The following SYT10 variants were observed in gnomAD, a reference collection of about 807,000 sequenced individuals.
The protein encoded by SYT10 is synaptotagmin 10.
SYT10 carries 31 observed loss-of-function variants against 51.1 expected under a neutral mutation model. The ratio of observed to expected loss-of-function variants is 0.61; its 90% CI spans 0.46 to 0.82. SYT10 has a LOEUF of 0.82. SYT10 is among the 40% of genes least tolerant of loss of function. The probability of loss-of-function intolerance (pLI) is 0.00; values close to 1 mark genes in which losing one functional copy is unlikely to be tolerated. For missense variants in SYT10, 603 were observed against 634.0 expected (o/e 0.95, Z 0.53); for synonymous variants, 233 against 225.9 (o/e 1.03, Z -0.28).
rs569463211 is a variant in SYT10, at chr12:33,439,624, C to G, written c.-102G>C. 4.9e-6 allele frequency: 7 copies of G among 1,415,166 alleles called. No homozygotes were observed. Among genetic ancestry groups the G allele is most frequent in the Admixed American group, 2.2e-5 (1 of 45,508 alleles). The allele number at this position is 1,415,166 out of a possible 1,614,324, so 87.7% of individuals were successfully genotyped here. On this transcript the variant is annotated 5_prime_UTR_variant, in exon 1 of 7. Transcript: ENST00000228567. Reference sequence around the variant, plus strand: ...GGCGCCCTAAGCCATAGTCCGCCCGCGGTGACTTTGGCTGGAGATTGCGCC... The same window carrying G: ...GGCGCCCTAAGCCATAGTCCGCCCGGGGTGACTTTGGCTGGAGATTGCGCC...
At chr12:33,398,500 G>A (rs1239059712) in intron 3 of SYT10, among the ~76,000 whole-genome samples, 2 of 152,040 alleles carry the variant, frequency 1.3e-5, no homozygotes, top group African/African-American at 2.4e-5. Context: ...GTGACAGACC[G>A]AAACTCTGTC....
At chr12:33,437,266 C>A (rs540880987) in intron 1 of SYT10, among the ~76,000 whole-genome samples, 1 of 152,168 alleles carries the variant, frequency 6.6e-6, no homozygotes, top group Admixed American at 6.5e-5. Context: ...AATCGAATAC[C>A]CCACTTGTAT....
At chr12:33,417,860 AT>A (rs1389700351) in intron 2 of SYT10, among the ~76,000 whole-genome samples, 1 of 152,362 alleles carries the variant, frequency 6.6e-6, no homozygotes, top group Admixed American at 6.5e-5. Flanking sequence ...AGGAAAAAAA[AT>A]AATATCAAAG....
intron 4 of SYT10, among the ~76,000 whole-genome samples, chr12:33,384,899 A>G (rs1487516994): frequency 1.3e-5 from 2 of 152,182 alleles, no homozygotes; most frequent in Non-Finnish European, 2.9e-5. Flanking sequence ...TAGATGGTAA[A>G]TTATGTATTT....
intron 3 of SYT10, among the ~76,000 whole-genome samples, chr12:33,400,618 C>T (rs913160078): frequency 6.6e-6 from 1 of 151,858 alleles, no homozygotes; most frequent in African/African-American, 2.4e-5. Context: ...TAAATAAATA[C>T]ATATGCAAAT....
At chr12:33,428,427 A>T (rs1477257818) in intron 1 of SYT10, among the ~76,000 whole-genome samples, 1 of 152,248 alleles carries the variant, frequency 6.6e-6, no homozygotes, top group Non-Finnish European at 1.5e-5. Context: ...TATGCAAAAA[A>T]ATCAGGTCAA....
At chr12:33,402,549 G>A (rs1426230290) in intron 3 of SYT10, among the ~76,000 whole-genome samples, 2 of 152,056 alleles carry the variant, frequency 1.3e-5, no homozygotes, top group Non-Finnish European at 2.9e-5. Flanking sequence ...TTTGTTATTT[G>A]TCTCCTTTGT....
chr12:33,391,494 A>G (rs1420307133), intron 3 of SYT10, among the ~76,000 whole-genome samples: 3 of 152,130 alleles, frequency 2.0e-5, no homozygotes, highest in Admixed American at 6.5e-5. Flanking sequence ...GGTCAAACAG[A>G]AAGCACTGGC....
chr12:33,439,497 A>C lies in SYT10; in HGVS notation c.26T>G (p.Val9Gly). 1 of 1,613,090 alleles carries C rather than the reference A, an allele frequency of 6.2e-7. No homozygotes were observed. Among genetic ancestry groups the C allele is most frequent in the Non-Finnish European group, 8.5e-7 (1 of 1,179,666 alleles). MSFHKEDG[V>G]NSLCQKALHI... Reference sequence around the variant, plus strand: ...CAGAGCCTTCTGGCACAGACTGTTCACTCCGTCCTCCTTGTGGAAACTCAT... The same window carrying C: ...CAGAGCCTTCTGGCACAGACTGTTCCCTCCGTCCTCCTTGTGGAAACTCAT... The change falls in exon 1 of 7, where the codon GTG becomes GGG. Residue 9 changes from valine to glycine, a missense_variant. Transcript: ENST00000228567.
In SYT10 at chr12:33,439,430, C is replaced by T. The variant is rs1866666074; in HGVS notation, c.93G>A (p.Trp31Ter). The T allele has an allele frequency of 6.2e-7, 1 of 1,614,098 alleles. No individual in the cohort carries two copies. ...GAGGGAAGATGCCCGAGCACTTCTCCCACTCCACCTGGCCGGCGAAGCACA... is the reference window on the plus strand; with the variant it reads ...GAGGGAAGATGCCCGAGCACTTCTCTCACTCCACCTGGCCGGCGAAGCACA... The part of the protein sequence containing the change: ...TELCFAGQVE[W>*]EKCSGIFPRD... Residue 31 changes from tryptophan to a stop codon, truncating the protein, a stop_gained, in exon 1 of 7, where the codon TGG (tryptophan) becomes TGA (stop). Transcript: ENST00000228567. LOFTEE classifies it high-confidence loss of function.
intron 1 of SYT10, 70 bp downstream of exon 1, chr12:33,439,302 C>G (rs202206285): frequency 6.5e-7 from 1 of 1,544,290 alleles, no homozygotes; most frequent in African/African-American, 1.4e-5. Context: ...GCGCAGAACC[C>G]CGGAGCTTGC....
In SYT10 at chr12:33,378,814, C is replaced by CTGTG. The variant is rs56373564; in HGVS notation, c.1500+1014_1500+1017dup. ...GGGAAAACACCAAGTGACTGGGTAT[C>CTGTG]TGTGTGTGTGTGTGTGTGTGTGTGT... On this transcript the variant is annotated intron_variant, in intron 6 of 6. Coordinates refer to ENST00000228567, the MANE Select transcript of SYT10 (RefSeq NM_198992.4). Among the ~76,000 whole-genome samples the CTGTG allele has an allele frequency of 2.9e-3, 424 of 145,282 alleles. 1 individual carries two copies. Among genetic ancestry groups the CTGTG allele is most frequent in the East Asian group, 0.013 (61 of 4,854 alleles).
chr12:33,384,835 G>A (rs778054139), intron 4 of SYT10, among the ~76,000 whole-genome samples: 3 of 152,256 alleles, frequency 2.0e-5, no homozygotes, highest in East Asian at 1.9e-4. Flanking sequence ...CTCACTCATC[G>A]CTTAAGCCTA....
intron 2 of SYT10, among the ~76,000 whole-genome samples, chr12:33,417,415 G>A (rs1866464019): frequency 1.3e-5 from 2 of 152,208 alleles, no homozygotes; most frequent in African/African-American, 4.8e-5. Flanking sequence ...GGACTCTGCA[G>A]AGTCCTCACC....
chr12:33,386,833 G>T (rs1866160552), intron 3 of SYT10, among the ~76,000 whole-genome samples: 1 of 152,102 alleles, frequency 6.6e-6, no homozygotes, highest in Admixed American at 6.5e-5. Context: ...ATTTTTTGAA[G>T]AACTGAATAC....
chr12:33,420,346 A>T (rs1866491505), intron 2 of SYT10, among the ~76,000 whole-genome samples: 1 of 152,156 alleles, frequency 6.6e-6, no homozygotes. Context: ...TTACCCTAAG[A>T]TTCCTGTGAC....
chr12:33,423,499 T>TA (rs1436705916), intron 2 of SYT10, among the ~76,000 whole-genome samples: 4 of 152,152 alleles, frequency 2.6e-5, no homozygotes, highest in African/African-American at 9.7e-5. Flanking sequence ...TTCCTCTCTC[T>TA]ATAAAGGTAA....
At chr12:33,439,032 C>G (rs955366446) in intron 1 of SYT10, among the ~76,000 whole-genome samples, 1 of 152,236 alleles carries the variant, frequency 6.6e-6, no homozygotes, top group Admixed American at 6.5e-5. Context: ...GTCCCGGCGC[C>G]GTCACCGCCC....
At chr12:33,435,637 C>T (rs1367809398) in intron 1 of SYT10, among the ~76,000 whole-genome samples, 3 of 152,192 alleles carry the variant, frequency 2.0e-5, no homozygotes, top group South Asian at 2.1e-4. Context: ...TATACAATCA[C>T]TAGGATGTGT....
Sources: allele counts gnomAD v4.1 joint callset (sites outside exome capture counted in the v4.1 genomes callset), GRCh38; gene constraint gnomAD v4.1.1; transcripts MANE v1.5; gene names NCBI Gene and HGNC (gene_info 2026-07-23, HGNC 2026-07-21).